Variants in MTHFD2L observed in about 807,000 individuals in gnomAD.
The protein encoded by MTHFD2L is bifunctional methylenetetrahydrofolate dehydrogenase/cyclohydrolase 2, mitochondrial.
Under a neutral mutation model 34.9 loss-of-function variants are expected in MTHFD2L, and 29 were observed. The observed-to-expected ratio is 0.83, with a 90% CI of 0.62 to 1.13. The LOEUF (loss-of-function observed/expected upper bound fraction) is 1.13, where lower values mean the gene tolerates loss of function less well. Ranked by LOEUF, MTHFD2L falls within the 50% of genes most tolerant of loss-of-function variation. The pLI is 0.00. For missense variants in MTHFD2L, 481 were observed against 446.5 expected (o/e 1.08, Z -0.70); for synonymous variants, 167 against 155.7 (o/e 1.07, Z -0.54).
Position 74,174,759 on chromosome 4 carries a change from T to C in MTHFD2L, c.328+69T>C, listed in dbSNP as rs186689776. ...TGTTTTTACTTCAAATTGTGATAAT[T>C]ATGAATGATAATTATCAAATAAGTG... is the stretch of plus-strand genomic sequence containing the variant. On this transcript the variant is annotated intron_variant, in intron 2 of 7. Coordinates refer to ENST00000325278, the MANE Select transcript of MTHFD2L (RefSeq NM_001144978.3). 5.4e-6 allele frequency: 6 copies of C among 1,105,094 alleles called. No homozygotes were observed. The Admixed American group carries it at 1.5e-4, about 27-fold the overall frequency. The allele number at this position is 1,105,094 out of a possible 1,614,324, so 68.5% of individuals were successfully genotyped here.
chr4:74,281,671 T>G, intron 7 of MTHFD2L, 121 bp downstream of exon 7: 1 of 979,186 alleles, frequency 1.0e-6, no homozygotes, highest in Non-Finnish European at 1.5e-6. Context: ...CACCTCTTTC[T>G]TCTGAGGGAA....
intron 5 of MTHFD2L, among the ~76,000 whole-genome samples, chr4:74,220,380 T>C (rs1390013269): frequency 6.6e-6 from 1 of 152,008 alleles, no homozygotes; most frequent in African/African-American, 2.4e-5. Context: ...AAAAGGCTGC[T>C]AGTTGCCTCT....
intron 5 of MTHFD2L, among the ~76,000 whole-genome samples, chr4:74,208,825 C>A (rs961449608): frequency 3.3e-5 from 5 of 152,086 alleles, no homozygotes; most frequent in Non-Finnish European, 7.4e-5. Flanking sequence ...TTTTGCTTGG[C>A]TGTCTCATTT....
At chr4:74,165,995 A>G (rs1726613081) in intron 1 of MTHFD2L, among the ~76,000 whole-genome samples, 1 of 152,246 alleles carries the variant, frequency 6.6e-6, no homozygotes, top group Non-Finnish European at 1.5e-5. Context: ...GTTTTTCTCA[A>G]TTGTATTCCA....
At chr4:74,290,998 C>CTTTTTT (rs1560565979) in intron 7 of MTHFD2L, among the ~76,000 whole-genome samples, 8 of 46,184 alleles carry the variant, frequency 1.7e-4, no homozygotes, top group African/African-American at 5.3e-4. Context: ...TTTATTTTTC[C>CTTTTTT]TTTTCTTTTT....
rs141788046 is a variant in MTHFD2L, at chr4:74,235,899, A to G, written c.805+10505A>G. On this transcript the variant is annotated intron_variant, in intron 6 of 7. Coordinates refer to ENST00000325278, the MANE Select transcript of MTHFD2L (RefSeq NM_001144978.3). Reference sequence around the variant, plus strand: ...TTGTTTGAGTAACATGAGAGAATGTATTTGATAAACCAAAATGTGCCATAT... The same window carrying G: ...TTGTTTGAGTAACATGAGAGAATGTGTTTGATAAACCAAAATGTGCCATAT... 1.2e-3 allele frequency among the ~76,000 whole-genome samples: 176 copies of G among 152,284 alleles called. 1 individual carries two copies. The highest frequency in any genetic ancestry group is 2.1e-3 in the Non-Finnish European group (141 of 68,006).
chr4:74,284,321 TAGAA>T (rs750527964), intron 7 of MTHFD2L, among the ~76,000 whole-genome samples: 2 of 152,136 alleles, frequency 1.3e-5, no homozygotes, highest in South Asian at 2.1e-4. Context: ...GATTCATACT[TAGAA>T]AGGAATCTGC....
intron 1 of MTHFD2L, among the ~76,000 whole-genome samples, chr4:74,129,501 C>G (rs1722313134): frequency 1.3e-5 from 2 of 151,492 alleles, no homozygotes; most frequent in Admixed American, 6.6e-5. Context: ...CTAAATGAAA[C>G]AAAGGCATAA....
At chr4:74,240,581 A>ACACACAGT (rs1468857552) in intron 6 of MTHFD2L, among the ~76,000 whole-genome samples, 1 of 152,184 alleles carries the variant, frequency 6.6e-6, no homozygotes, top group African/African-American at 2.4e-5. Context: ...AGATATGACC[A>ACACACAGT]CACACAGTCA....
At chr4:74,186,124 A>G (rs1040369003) in intron 3 of MTHFD2L, among the ~76,000 whole-genome samples, 2 of 152,120 alleles carry the variant, frequency 1.3e-5, no homozygotes, top group African/African-American at 4.8e-5. Flanking sequence ...TAAAAATGAA[A>G]ATCATATAAT....
chr4:74,210,082 C>T (rs1165909233), intron 5 of MTHFD2L, among the ~76,000 whole-genome samples: 1 of 151,916 alleles, frequency 6.6e-6, no homozygotes, highest in Non-Finnish European at 1.5e-5. Context: ...TTGTAGATTC[C>T]AGATATTAGC....
intron 6 of MTHFD2L, among the ~76,000 whole-genome samples, chr4:74,280,932 C>T (rs923454429): frequency 1.3e-5 from 2 of 152,046 alleles, no homozygotes; most frequent in African/African-American, 4.8e-5. Flanking sequence ...TATGACAACC[C>T]TGGGGAATAT....
chr4:74,164,313 A>G (rs1726173074), intron 1 of MTHFD2L, among the ~76,000 whole-genome samples: 1 of 152,210 alleles, frequency 6.6e-6, no homozygotes, highest in African/African-American at 2.4e-5. Flanking sequence ...ACTAGGTTTT[A>G]TTTGTTGGTA....
chr4:74,223,112 T>C (rs1363158361), intron 5 of MTHFD2L, among the ~76,000 whole-genome samples: 1 of 152,078 alleles, frequency 6.6e-6, no homozygotes, highest in African/African-American at 2.4e-5. Context: ...TAAATTGTTC[T>C]ATCATAGACA....
chr4:74,137,222 A>G (rs1025067336), intron 1 of MTHFD2L, among the ~76,000 whole-genome samples: 9 of 152,214 alleles, frequency 5.9e-5, no homozygotes, highest in African/African-American at 2.2e-4. Context: ...TTATCTGACA[A>G]GGGATTAATA....
At chr4:74,227,458 A>T (rs1739342534) in intron 6 of MTHFD2L, among the ~76,000 whole-genome samples, 1 of 152,188 alleles carries the variant, frequency 6.6e-6, no homozygotes, top group South Asian at 2.1e-4. Flanking sequence ...ACAGAAGCAG[A>T]TCTGTATGAA....
chr4:74,173,577 A>G (rs1286274665), intron 1 of MTHFD2L, among the ~76,000 whole-genome samples: 1 of 152,198 alleles, frequency 6.6e-6, no homozygotes, highest in Non-Finnish European at 1.5e-5. Context: ...TGTAGTATGA[A>G]GCTCATGACT....
chr4:74,270,006 G>A (rs1745752394), intron 6 of MTHFD2L, among the ~76,000 whole-genome samples: 1 of 152,020 alleles, frequency 6.6e-6, no homozygotes, highest in South Asian at 2.1e-4. Flanking sequence ...TGCTACCATG[G>A]AGAATAAATA....
At chr4:74,160,000 G>A in intron 1 of MTHFD2L, 3 of 1,202,100 alleles carry the variant, frequency 2.5e-6, no homozygotes, top group Non-Finnish European at 3.2e-6. Flanking sequence ...GGTCTCGGGT[G>A]GGGAGGAATT....
Sources: allele counts gnomAD v4.1 joint callset (sites outside exome capture counted in the v4.1 genomes callset), GRCh38; gene constraint gnomAD v4.1.1; transcripts MANE v1.5; gene names NCBI Gene and HGNC (gene_info 2026-07-23, HGNC 2026-07-21).